Variants in CRYL1 observed in about 807,000 individuals in gnomAD.
CRYL1 encodes the protein lambda-crystallin homolog.
A neutral mutation model predicts 36.6 loss-of-function variants in CRYL1; 29 were observed. The ratio of observed to expected loss-of-function variants is 0.79; its 90% CI spans 0.59 to 1.08. The LOEUF (loss-of-function observed/expected upper bound fraction) is 1.08. CRYL1 is among the 50% of genes least tolerant of loss of function. CRYL1 has a pLI of 0.00. For synonymous variants in CRYL1, 152 were observed against 151.5 expected (o/e 1.00, Z -0.02); for missense variants, 411 against 407.9 (o/e 1.01, Z -0.06).
chr13:20,486,610 T>C (rs1286887626), intron 3 of CRYL1, among the ~76,000 whole-genome samples: 2 of 152,156 alleles, frequency 1.3e-5, no homozygotes, highest in Non-Finnish European at 2.9e-5. Flanking sequence ...GAATATAAAC[T>C]CTCATAGGAA....
In CRYL1 at chr13:20,525,644, G is replaced by C; in HGVS notation, c.41+110C>G. 1.1e-6 allele frequency: 1 copy of C among 908,540 alleles called. No homozygotes were observed. The highest frequency in any genetic ancestry group is 1.4e-6 in the Non-Finnish European group (1 of 689,882). The allele number at this position is 908,540 out of a possible 1,614,324, so 56.3% of individuals were successfully genotyped here. ...GCAGGGCTTCGGAGGACCGGAGGCCGGGGCGGGGACAGCGACCCGGCGCCC... is the reference window on the plus strand; with the variant it reads ...GCAGGGCTTCGGAGGACCGGAGGCCCGGGCGGGGACAGCGACCCGGCGCCC... On this transcript the variant is annotated intron_variant, in intron 1 of 7. Transcript: ENST00000298248. The surrounding 1 kb of genome is among the most constrained non-coding windows in gnomAD (Gnocchi z 4.3).
intron 5 of CRYL1, among the ~76,000 whole-genome samples, chr13:20,424,168 G>C (rs2137379383): frequency 6.6e-6 from 1 of 152,288 alleles, no homozygotes; most frequent in African/African-American, 2.4e-5. Context: ...TCTGGCAGAA[G>C]ATCATTCTTA....
At chr13:20,486,896 T>G (rs1390846147) in intron 3 of CRYL1, among the ~76,000 whole-genome samples, 1 of 152,230 alleles carries the variant, frequency 6.6e-6, no homozygotes, top group Non-Finnish European at 1.5e-5. Context: ...ATTTTCTGTG[T>G]GCCAAGTACT....
At chr13:20,473,467 T>G (rs1456409619) in intron 3 of CRYL1, among the ~76,000 whole-genome samples, 2 of 152,264 alleles carry the variant, frequency 1.3e-5, no homozygotes, top group African/African-American at 2.4e-5. Flanking sequence ...TGAACTGGCC[T>G]TCAGCTAGAA....
At chr13:20,419,354 C>T (rs1012727934) in intron 5 of CRYL1, among the ~76,000 whole-genome samples, 1 of 152,054 alleles carries the variant, frequency 6.6e-6, no homozygotes, top group Non-Finnish European at 1.5e-5. Context: ...AGTGCAATGG[C>T]AGGATCTCGG....
At chr13:20,471,186 G>A (rs1407011019) in intron 3 of CRYL1, among the ~76,000 whole-genome samples, 1 of 152,128 alleles carries the variant, frequency 6.6e-6, no homozygotes, top group Non-Finnish European at 1.5e-5. Context: ...TACGGAAGTG[G>A]CTATGGGATT....
chr13:20,490,958 T>G (rs1472900859), intron 2 of CRYL1, among the ~76,000 whole-genome samples: 1 of 152,212 alleles, frequency 6.6e-6, no homozygotes, highest in African/African-American at 2.4e-5. Flanking sequence ...CAGGCTGGAG[T>G]GCAGTGGCAC....
At chr13:20,413,524 GAA>G in intron 5 of CRYL1, 137 bp from the exon 6 acceptor site, 1 of 579,580 alleles carries the variant, frequency 1.7e-6, no homozygotes, top group Non-Finnish European at 3.1e-6. Flanking sequence ...ACCACTTACC[GAA>G]TATGCTTATG....
At chr13:20,478,733 T>C (rs2033213731) in intron 3 of CRYL1, among the ~76,000 whole-genome samples, 1 of 152,032 alleles carries the variant, frequency 6.6e-6, no homozygotes. Flanking sequence ...CGCTGTGGCC[T>C]CCCCATGTTC....
chr13:20,524,030 C>T (rs1176426261), intron 1 of CRYL1, among the ~76,000 whole-genome samples: 2 of 152,116 alleles, frequency 1.3e-5, no homozygotes, highest in African/African-American at 2.4e-5. Flanking sequence ...GAGGCCAAAG[C>T]GCTTGCACCC....
chr13:20,484,652 C>T (rs990273714), intron 3 of CRYL1, among the ~76,000 whole-genome samples: 2 of 151,984 alleles, frequency 1.3e-5, no homozygotes, highest in African/African-American at 4.8e-5. Context: ...GATACAGCCC[C>T]GAGCACATCG....
At chr13:20,505,010 A>G (rs961539780) in intron 2 of CRYL1, among the ~76,000 whole-genome samples, 2 of 152,184 alleles carry the variant, frequency 1.3e-5, no homozygotes, top group Non-Finnish European at 2.9e-5. Context: ...ATTCATGCAG[A>G]TGTAGTGAAA....
chr13:20,415,057 C>T lies in CRYL1; in HGVS notation c.634-1670G>A, dbSNP rs113076841. Among the ~76,000 whole-genome samples, 6,347 of 152,246 alleles carry T rather than the reference C, an allele frequency of 0.042. 361 individuals are homozygous for T. Among genetic ancestry groups the T allele is most frequent in the African/African-American group, 0.11 (4,409 of 41,546 alleles). The stretch of plus-strand genomic sequence containing the variant: ...GGACGATGCGTCGCGCCCTTCCCAT[C>T]GCGGCCTGGGCGGGCCCGCCTGCCC... On this transcript the variant is annotated intron_variant, in intron 5 of 7. Transcript: ENST00000298248. The surrounding 1 kb of genome is among the most constrained non-coding windows in gnomAD (Gnocchi z 4.1).
chr13:20,466,604 T>C (rs1320316035), intron 3 of CRYL1, among the ~76,000 whole-genome samples: 1 of 152,100 alleles, frequency 6.6e-6, no homozygotes, highest in Non-Finnish European at 1.5e-5. Context: ...ATTGCATACA[T>C]ATCAGACTGG....
intron 4 of CRYL1, among the ~76,000 whole-genome samples, chr13:20,439,022 T>C (rs1035183407): frequency 4.0e-5 from 6 of 151,354 alleles, no homozygotes; most frequent in African/African-American, 7.3e-5. Flanking sequence ...TTAATTACAA[T>C]GAGTGAGTGG....
chr13:20,468,852 C>T (rs908433975), intron 3 of CRYL1, among the ~76,000 whole-genome samples: 4 of 152,116 alleles, frequency 2.6e-5, no homozygotes, highest in Admixed American at 2.6e-4. Flanking sequence ...AGTGATCTAC[C>T]CAACTCAGCC....
At chr13:20,482,770 TGCGCACGCACACACGC>T (rs1173578123) in intron 3 of CRYL1, among the ~76,000 whole-genome samples, 1 of 151,976 alleles carries the variant, frequency 6.6e-6, no homozygotes, top group Non-Finnish European at 1.5e-5. Context: ...CGCGTGTGTG[TGCGCACGCACACACGC>T]GTCTCCTCAA....
At chr13:20,504,151 G>A (rs1284953247) in intron 2 of CRYL1, among the ~76,000 whole-genome samples, 2 of 152,120 alleles carry the variant, frequency 1.3e-5, no homozygotes, top group Admixed American at 6.6e-5. Context: ...AAGTCAGGGC[G>A]GCCTGGTCCC....
chr13:20,490,785 G>C (rs1023698562), intron 2 of CRYL1, among the ~76,000 whole-genome samples: 1 of 152,122 alleles, frequency 6.6e-6, no homozygotes. Context: ...TGGTCTGTGC[G>C]GTCACCCGGG....
Sources: gnomAD v4.1 joint callset for allele counts (sites outside exome capture counted in the v4.1 genomes callset) on GRCh38, gnomAD v4.1.1 for gene constraint, Gnocchi (gnomAD v3.1) non-coding constraint, MANE v1.5 for transcripts, NCBI Gene and HGNC (gene_info 2026-07-23, HGNC 2026-07-21) for gene names.